Variants in NCKAP1 observed in about 807,000 individuals in gnomAD.
The protein encoded by NCKAP1 is NCK associated protein 1.
A neutral mutation model predicts 151.2 loss-of-function variants in NCKAP1; 21 were observed. That is an observed-to-expected ratio of 0.14 (90% CI 0.10 to 0.20). NCKAP1 has a LOEUF of 0.20. Ranked by LOEUF, NCKAP1 falls within the 10% of genes least tolerant of loss-of-function variation. The probability of loss-of-function intolerance (pLI) is 1.00; values close to 1 mark genes in which losing one functional copy is unlikely to be tolerated. For missense variants in NCKAP1, 933 were observed against 1,352.1 expected (o/e 0.69, Z 4.86); for synonymous variants, 484 against 451.8 (o/e 1.07, Z -0.90).
intron 2 of NCKAP1, among the ~76,000 whole-genome samples, chr2:183,014,302 T>G (rs1698643282): frequency 6.6e-6 from 1 of 152,100 alleles, no homozygotes; most frequent in Admixed American, 6.5e-5. Flanking sequence ...AGGGAAAGCT[T>G]CTCTGAATGG....
chr2:182,994,697 T>A (rs1416705908), intron 8 of NCKAP1, 142 bp downstream of exon 8: 1 of 660,192 alleles, frequency 1.5e-6, no homozygotes, highest in Non-Finnish European at 2.6e-6. Flanking sequence ...TCTGATAGGA[T>A]CAATATGAGG....
chr2:183,022,008 G>T (rs564327288), intron 2 of NCKAP1, among the ~76,000 whole-genome samples: 28 of 152,266 alleles, frequency 1.8e-4, no homozygotes, highest in South Asian at 1.2e-3. Flanking sequence ...AAGTTAGAAA[G>T]AGAAGTAAAA....
intron 13 of NCKAP1, 22 bp downstream of exon 13, chr2:182,981,222 A>G (rs774437075): frequency 1.2e-6 from 2 of 1,606,772 alleles, no homozygotes; most frequent in South Asian, 2.2e-5. Flanking sequence ...ACAAAAGGGA[A>G]ATAGTATGAG....
Position 183,023,790 on chromosome 2 carries a change from A to T in NCKAP1, c.219+16T>A. 1.3e-6 allele frequency: 2 copies of T among 1,581,794 alleles called. No homozygotes were observed. Among genetic ancestry groups the T allele is most frequent in the South Asian group, 2.2e-5 (2 of 90,208 alleles). ...GATGCTTAAAATTAAGCAATAGAAAAATTTAGATAACTTACATTGTTGTTG... is the reference window on the plus strand; with the variant it reads ...GATGCTTAAAATTAAGCAATAGAAATATTTAGATAACTTACATTGTTGTTG... On this transcript the variant is annotated intron_variant, in intron 2 of 30. Coordinates refer to ENST00000361354, the MANE Select transcript of NCKAP1 (RefSeq NM_013436.5).
At chr2:183,004,488 CA>C (rs34055584) in intron 2 of NCKAP1, among the ~76,000 whole-genome samples, 18,130 of 78,726 alleles carry the variant, frequency 0.23, 1,038 homozygotes, top group Middle Eastern at 0.29. Flanking sequence ...AAACAGCAAG[CA>C]AAAAAAAAAA....
intron 15 of NCKAP1, among the ~76,000 whole-genome samples, chr2:182,976,194 G>C (rs1277738390): frequency 2.6e-5 from 4 of 152,084 alleles, no homozygotes; most frequent in Non-Finnish European, 5.9e-5. Flanking sequence ...TATTTACAGG[G>C]CAACTAATTT....
chr2:183,029,734 T>TG (rs1203811428), intron 1 of NCKAP1, among the ~76,000 whole-genome samples: 1 of 147,494 alleles, frequency 6.8e-6, no homozygotes, highest in Admixed American at 6.9e-5. Context: ...ATGGAAGGAC[T>TG]GCTTGAGCCA....
intron 1 of NCKAP1, among the ~76,000 whole-genome samples, chr2:183,024,497 T>C (rs1698850993): frequency 6.6e-6 from 1 of 152,194 alleles, no homozygotes; most frequent in Non-Finnish European, 1.5e-5. Context: ...CTTCAAACAA[T>C]GAATCTACAT....
In NCKAP1 at chr2:182,993,929, T is replaced by C. The variant is rs113987674; in HGVS notation, c.790+910A>G. Among the ~76,000 whole-genome samples, 652 of 152,302 alleles carry C rather than the reference T, an allele frequency of 4.3e-3. 1 individual carries two copies. Among genetic ancestry groups the C allele is most frequent in the African/African-American group, 0.015 (612 of 41,558 alleles). ...AGCAAATACAACAAGCTATTAGAAGTCATAGAAACTTGGTGGTAGATTTAT... is the reference window on the plus strand; with the variant it reads ...AGCAAATACAACAAGCTATTAGAAGCCATAGAAACTTGGTGGTAGATTTAT... On this transcript the variant is annotated intron_variant, in intron 8 of 30. Coordinates refer to ENST00000361354, the MANE Select transcript of NCKAP1 (RefSeq NM_013436.5).
chr2:182,934,365 T>C (rs1304865529), intron 26 of NCKAP1: 2 of 152,548 alleles, frequency 1.3e-5, no homozygotes, highest in Non-Finnish European at 2.9e-5. Context: ...GCCAGGATGG[T>C]CTTGATCTCC....
At chr2:183,033,333 A>G (rs960333705) in intron 1 of NCKAP1, among the ~76,000 whole-genome samples, 4 of 152,248 alleles carry the variant, frequency 2.6e-5, no homozygotes, top group African/African-American at 7.2e-5. Flanking sequence ...AATAGTAACT[A>G]GTTAGTTTCT....
intron 1 of NCKAP1, among the ~76,000 whole-genome samples, chr2:183,031,295 T>A (rs989171210): frequency 6.6e-6 from 1 of 152,226 alleles, no homozygotes; most frequent in African/African-American, 2.4e-5. Flanking sequence ...GATATATATG[T>A]CACTGTTGCC....
In NCKAP1 at chr2:182,956,568, A is replaced by C; in HGVS notation, c.2047T>G (p.Ser683Ala). The change falls in exon 20 of 31, where the codon TCT (serine) becomes GCT (alanine). Residue 683 changes from serine to alanine, a missense_variant. Physicochemically the swap from Ser to Ala is moderately conservative, Grantham distance 99. Coordinates refer to ENST00000361354, the MANE Select transcript of NCKAP1 (RefSeq NM_013436.5). ...TNLDKLHTAL[S>A]ELCFSINYVP... is the part of the protein sequence containing the mutation. ...TAATTTATAGAGAAGCATAACTCAGAAAGTGCAGTGTGCAATTTATCAAGG... is the reference window on the plus strand; with the variant it reads ...TAATTTATAGAGAAGCATAACTCAGCAAGTGCAGTGTGCAATTTATCAAGG... 6.2e-7 allele frequency: 1 copy of C among 1,608,836 alleles called. No individual in the cohort carries two copies. Among genetic ancestry groups the C allele is most frequent in the Non-Finnish European group, 8.5e-7 (1 of 1,177,826 alleles).
intron 23 of NCKAP1, among the ~76,000 whole-genome samples, chr2:182,944,516 G>T (rs1023752479): frequency 6.6e-6 from 1 of 151,996 alleles, no homozygotes; most frequent in African/African-American, 2.4e-5. Context: ...AAGAATTTTC[G>T]TAGAAAAAAA....
chr2:182,957,092 A>G (rs1450554151), intron 19 of NCKAP1: 2 of 172,528 alleles, frequency 1.2e-5, no homozygotes, highest in Non-Finnish European at 1.2e-5. Context: ...GACATTGGGT[A>G]TGTTCTAATA....
At chr2:182,929,017 G>A (rs1575011350) in intron 27 of NCKAP1, 118 bp from the exon 28 acceptor site, 1 of 639,376 alleles carries the variant, frequency 1.6e-6, no homozygotes, top group Non-Finnish European at 2.7e-6. Flanking sequence ...TTTTGAAATA[G>A]TAAACTATTT....
At position 182,914,662 on chromosome 2, in the gene NCKAP1, A is replaced by C. The variant is rs1696440316; in HGVS notation, c.*11040T>G. On this transcript the variant is annotated 3_prime_UTR_variant, in exon 31 of 31. Transcript: ENST00000361354. ...AACTTAAGTCACTTAGAATGACATG[A>C]GGGGTTCTATTACTAATTTGAAGAG... 1 of 152,182 alleles carries C rather than the reference A, an allele frequency of 6.6e-6. No homozygotes were observed. The highest frequency in any genetic ancestry group is 2.4e-5 in the African/African-American group (1 of 41,432). 9.4% of individuals were successfully genotyped at this position (152,182 alleles called of 1,614,324 possible).
intron 1 of NCKAP1, among the ~76,000 whole-genome samples, chr2:183,036,818 AG>A (rs67284217): frequency 2.3e-4 from 35 of 151,256 alleles, no homozygotes; most frequent in South Asian, 4.2e-4. Context: ...GAATTTCCAA[AG>A]AAAAAAAAAA....
intron 6 of NCKAP1, among the ~76,000 whole-genome samples, chr2:182,998,484 CA>C (rs1291479580): frequency 6.6e-6 from 1 of 152,006 alleles, no homozygotes; most frequent in African/African-American, 2.4e-5. Flanking sequence ...AATCAACATA[CA>C]AAAATTAGCA....
Sources: allele counts gnomAD v4.1 joint callset (sites outside exome capture counted in the v4.1 genomes callset), GRCh38; gene constraint gnomAD v4.1.1; transcripts MANE v1.5; gene names NCBI Gene and HGNC (gene_info 2026-07-23, HGNC 2026-07-21).